The following DMXL2 variants were observed in gnomAD, a reference collection of about 807,000 sequenced individuals.
DMXL2 encodes Dmx like 2.
In DMXL2, 103 loss-of-function variants were observed where a neutral mutation model predicts 331.1. The observed-to-expected ratio is 0.31, with a 90% CI of 0.27 to 0.37. DMXL2 has a LOEUF of 0.37. DMXL2 is among the 10% of genes least tolerant of loss of function. DMXL2 has a pLI of 1.00. For missense variants in DMXL2, 3,171 were observed against 3,642.9 expected (o/e 0.87, Z 3.33); for synonymous variants, 1,281 against 1,252.1 (o/e 1.02, Z -0.49).
chr15:51,575,306 C>T (rs1021008434), intron 2 of DMXL2, among the ~76,000 whole-genome samples: 2 of 152,036 alleles, frequency 1.3e-5, no homozygotes, highest in Non-Finnish European at 2.9e-5. Context: ...ATTTGTTACC[C>T]AATAAATAAC....
At chr15:51,585,944 G>C (rs1385503122) in intron 1 of DMXL2, among the ~76,000 whole-genome samples, 4 of 152,078 alleles carry the variant, frequency 2.6e-5, no homozygotes, top group African/African-American at 9.7e-5. Context: ...CCAACTCCAA[G>C]ATACATAAAA....
chr15:51,535,744 A>G lies in DMXL2; in HGVS notation c.2355T>C (p.Ser785=), dbSNP rs371933611. ...GATAGAGTCTCAGATTTTTGCCATC[A>G]GAAGCAACAAAGCAAGCACTTGCAG... ...CNSASACFVA[S]DGKNLRLYQA... The change falls in exon 13 of 44, where the codon TCT becomes TCC. Residue 785 remains serine, a synonymous_variant. Coordinates refer to ENST00000560891, the MANE Select transcript of DMXL2 (RefSeq NM_001378457.1). The G allele has an allele frequency of 3.7e-6, 6 of 1,609,904 alleles. No homozygotes were observed. In the African/African-American group the frequency reaches 8.0e-5, roughly 22 times the overall value.
intron 9 of DMXL2, among the ~76,000 whole-genome samples, chr15:51,541,063 G>A (rs982817880): frequency 2.6e-5 from 4 of 151,994 alleles, no homozygotes; most frequent in Admixed American, 1.3e-4. Context: ...TTCAAGAAAC[G>A]GTTCTTTTAA....
At chr15:51,505,901 C>A (rs1015718159) in intron 16 of DMXL2, among the ~76,000 whole-genome samples, 3 of 152,016 alleles carry the variant, frequency 2.0e-5, no homozygotes, top group Non-Finnish European at 4.4e-5. Context: ...GCTATCCATG[C>A]AGTTCTTCAT....
intron 19 of DMXL2, 59 bp downstream of exon 19, chr15:51,494,965 C>A: frequency 1.7e-6 from 2 of 1,211,616 alleles, no homozygotes; most frequent in Admixed American, 1.8e-5. Context: ...ACATGATACA[C>A]CCCATCGCTC....
chr15:51,556,071 C>T lies in DMXL2; in HGVS notation c.567+7310G>A, dbSNP rs530551491. ...AAAGATCAGCAGATCAGGCCGGGCG[C>T]GGTGGCTCACGCCTGTAATCCCAGC... On this transcript the variant is annotated intron_variant, in intron 6 of 43. Coordinates refer to ENST00000560891, the MANE Select transcript of DMXL2 (RefSeq NM_001378457.1). Among the ~76,000 whole-genome samples the T allele has an allele frequency of 3.3e-5, 5 of 152,158 alleles. 1 individual carries two copies. Among genetic ancestry groups the T allele is most frequent in the Admixed American group, 1.3e-4 (2 of 15,286 alleles).
At chr15:51,547,983 C>T (rs928998845) in intron 6 of DMXL2, among the ~76,000 whole-genome samples, 2 of 152,042 alleles carry the variant, frequency 1.3e-5, no homozygotes, top group Non-Finnish European at 1.5e-5. Context: ...ACATTCTTAG[C>T]TCTTGGGCCA....
At chr15:51,555,442 A>T (rs1414144424) in intron 6 of DMXL2, among the ~76,000 whole-genome samples, 2 of 152,166 alleles carry the variant, frequency 1.3e-5, no homozygotes, top group African/African-American at 2.4e-5. Context: ...AGCATACAAA[A>T]ATGGCATTTA....
In DMXL2 at chr15:51,481,717, AC is replaced by A. The variant is rs2042024545; in HGVS notation, c.5483-95del. On this transcript the variant is annotated intron_variant, in intron 23 of 43. Coordinates refer to ENST00000560891, the MANE Select transcript of DMXL2 (RefSeq NM_001378457.1). ...AATACGTCAGCATTTCTTCAAAAAA[AC>A]AACATGTAAATATTAACCTACGATA... 7 of 1,220,426 alleles carry A rather than the reference AC, an allele frequency of 5.7e-6. No individual in the cohort carries two copies. The East Asian group carries it at 9.8e-5, about 17-fold the overall frequency. The allele number at this position is 1,220,426 out of a possible 1,614,324, so 75.6% of individuals were successfully genotyped here.
chr15:51,453,346 AAAAATTACATAT>A (rs2039324926), intron 41 of DMXL2, 192 bp downstream of exon 41: 1 of 424,350 alleles, frequency 2.4e-6, no homozygotes, highest in Middle Eastern at 6.2e-4. Context: ...GCTTTAAAAT[AAAAATTACATAT>A]ATTAGGAATA....
intron 6 of DMXL2, among the ~76,000 whole-genome samples, chr15:51,559,566 T>A (rs930436630): frequency 6.6e-6 from 1 of 151,600 alleles, no homozygotes; most frequent in African/African-American, 2.4e-5. Flanking sequence ...AAAAAATAGA[T>A]AAAACTTAGC....
Position 51,459,811 on chromosome 15 carries a change from AAC to A in DMXL2, c.7927-153_7927-152del, listed in dbSNP as rs1185141143. 9.2e-6 allele frequency: 11 copies of A among 1,195,452 alleles called. No individual in the cohort carries two copies. In the East Asian group the frequency reaches 2.3e-4, roughly 25 times the overall value. The allele number at this position is 1,195,452 out of a possible 1,614,324, so 74.1% of individuals were successfully genotyped here. A position where few individuals can be genotyped will look rare whatever the true frequency, so the allele number is the denominator to read the frequency against. ...ATCAAGAAAAAATTAAACCGAATAA[AAC>A]AGTCATCAAATAAACACAACACAAA... On this transcript the variant is annotated intron_variant, in intron 33 of 43. Coordinates refer to ENST00000560891, the MANE Select transcript of DMXL2 (RefSeq NM_001378457.1).
Position 51,538,446 on chromosome 15 carries a change from G to A in DMXL2, c.1112C>T (p.Pro371Leu). 4 of 1,585,222 alleles carry A rather than the reference G, an allele frequency of 2.5e-6. No individual in the cohort carries two copies. The highest frequency in any genetic ancestry group is 2.7e-5 in the African/African-American group (2 of 73,582). Residue 371 changes from proline to leucine, a missense_variant, in exon 10 of 44, where the codon CCA becomes CTA. Pro to Leu is a moderately conservative substitution (Grantham distance 98). This residue lies in a region of DMXL2 where 1,674 missense variants were observed against 1,780.2 expected (regional missense o/e 0.94). Transcript: ENST00000560891. ...AAATGCAGTGCCAACCAAGACATTT[G>A]GAATATCTGTGGAAATAAAAGAGAT... ...AASINPATDI[P>L]NVLVGTAFNV...
At chr15:51,506,126 G>A (rs1022938771) in intron 16 of DMXL2, among the ~76,000 whole-genome samples, 15 of 152,224 alleles carry the variant, frequency 9.9e-5, no homozygotes, top group Non-Finnish European at 1.8e-4. Context: ...AGGCTGGAGT[G>A]CGGTGGTGCA....
At chr15:51,549,803 GA>G (rs1054237749) in intron 6 of DMXL2, among the ~76,000 whole-genome samples, 1 of 152,016 alleles carries the variant, frequency 6.6e-6, no homozygotes, top group Non-Finnish European at 1.5e-5. Context: ...TTTTTGATGG[GA>G]TTGTTTGGTT....
At chr15:51,466,878 A>AATTTTTTTTAAATAAAAAAAATCCC (rs951803937) in intron 29 of DMXL2, among the ~76,000 whole-genome samples, 18 of 151,968 alleles carry the variant, frequency 1.2e-4, no homozygotes, top group African/African-American at 1.9e-4. Flanking sequence ...TTAGCTGGGG[A>AATTTTTTTTAAATAAAAAAAATCCC]ATTTTTTTTA....
chr15:51,489,947 T>G (rs2042674901), intron 20 of DMXL2, among the ~76,000 whole-genome samples: 1 of 152,200 alleles, frequency 6.6e-6, no homozygotes, highest in Non-Finnish European at 1.5e-5. Context: ...AAGACACATG[T>G]TGACAAGAAG....
At chr15:51,471,430 C>G in intron 28 of DMXL2, 29 bp from the exon 29 acceptor site, 2 of 1,547,600 alleles carry the variant, frequency 1.3e-6, no homozygotes, top group Non-Finnish European at 1.8e-6. Flanking sequence ...AAAAAAAAAT[C>G]TAGCATTCAT....
chr15:51,567,804 C>T (rs910157700), intron 3 of DMXL2: 1 of 152,686 alleles, frequency 6.5e-6, no homozygotes, highest in Non-Finnish European at 1.5e-5. Flanking sequence ...TATGGAGCAG[C>T]TGGGCATGGT....
Sources: allele counts gnomAD v4.1 joint callset (sites outside exome capture counted in the v4.1 genomes callset), GRCh38; gene constraint gnomAD v4.1.1; regional missense constraint gnomAD v4.1.1; transcripts MANE v1.5; gene names NCBI Gene and HGNC (gene_info 2026-07-23, HGNC 2026-07-21).